The following NXPE2 variants were observed in gnomAD, a reference collection of about 807,000 sequenced individuals.
NXPE2 encodes neurexophilin and PC-esterase domain family member 2.
Under a neutral mutation model 34.4 loss-of-function variants are expected in NXPE2, and 34 were observed. The observed-to-expected ratio is 0.99, with a 90% CI of 0.75 to 1.31. NXPE2 has a LOEUF of 1.31. Among genes scored for constraint, NXPE2 ranks in the 40% most tolerant of loss-of-function variants. NXPE2 has a pLI of 0.00. For synonymous variants in NXPE2, 235 were observed against 231.3 expected (o/e 1.02, Z -0.15); for missense variants, 649 against 672.5 (o/e 0.97, Z 0.39).
the NXPE2 span, among the ~76,000 whole-genome samples, chr11:114,718,874 C>T: frequency 6.6e-6 from 1 of 152,268 alleles, no homozygotes; most frequent in East Asian, 1.9e-4. Context: ...TATGGTGAAA[C>T]TGAACCCCCA....
the NXPE2 span, among the ~76,000 whole-genome samples, chr11:114,500,255 A>T: frequency 1.3e-5 from 2 of 152,142 alleles, no homozygotes; most frequent in African/African-American, 4.8e-5. Context: ...CAGTTATTCC[A>T]CATCAGTATT....
the NXPE2 span, among the ~76,000 whole-genome samples, chr11:114,652,873 G>C: frequency 6.6e-6 from 1 of 152,190 alleles, no homozygotes; most frequent in Non-Finnish European, 1.5e-5. Context: ...GGTACTGCAA[G>C]CCCAGTGGTG....
the NXPE2 span, among the ~76,000 whole-genome samples, chr11:114,633,356 T>C: frequency 7.0e-5 from 10 of 142,680 alleles, no homozygotes; most frequent in Admixed American, 4.3e-4. Flanking sequence ...GATTATATTA[T>C]ATATACTATA....
chr11:114,523,237 A>G, the NXPE2 span: 1 of 625,570 alleles, frequency 1.6e-6, no homozygotes. Context: ...CTATTCTTTG[A>G]TCATTAGCTT....
At chr11:114,530,187 C>G in the NXPE2 span, 1 of 1,604,842 alleles carries the variant, frequency 6.2e-7, no homozygotes, top group Non-Finnish European at 8.5e-7. Flanking sequence ...GTGGAAAAGG[C>G]TGTTTTCCTT....
upstream of NXPE2, among the ~76,000 whole-genome samples, chr11:114,677,942 C>G (rs1950876867): frequency 6.6e-6 from 1 of 152,036 alleles, no homozygotes; most frequent in Non-Finnish European, 1.5e-5. Context: ...AGAATTTGCT[C>G]TTTTGGATTC....
At chr11:114,580,226 G>A in the NXPE2 span, 267 of 1,613,684 alleles carry the variant, frequency 1.7e-4, no homozygotes, top group Non-Finnish European at 2.1e-4. Context: ...CCTTCATTTT[G>A]ACTGTAGCCA....
At chr11:114,790,333 T>C in the NXPE2 span, among the ~76,000 whole-genome samples, 1 of 152,180 alleles carries the variant, frequency 6.6e-6, no homozygotes, top group Non-Finnish European at 1.5e-5. Context: ...TGTCCTTCTG[T>C]AAGAAGCCAA....
At chr11:114,530,414 T>C in the NXPE2 span, 2 of 1,614,232 alleles carry the variant, frequency 1.2e-6, no homozygotes, top group Non-Finnish European at 1.7e-6. Context: ...TATCATAGCC[T>C]TGGTTCCTTG....
At chr11:114,519,773 T>C in the NXPE2 span, among the ~76,000 whole-genome samples, 1 of 152,196 alleles carries the variant, frequency 6.6e-6, no homozygotes, top group African/African-American at 2.4e-5. Context: ...TATGTATCTT[T>C]TATTTTTTAT....
the NXPE2 span, among the ~76,000 whole-genome samples, chr11:114,562,660 T>C: frequency 6.6e-6 from 1 of 152,192 alleles, no homozygotes; most frequent in Non-Finnish European, 1.5e-5. Context: ...TCAAGTTGAC[T>C]TTACAGAAGT....
At chr11:114,636,411 C>T in the NXPE2 span, among the ~76,000 whole-genome samples, 1 of 151,970 alleles carries the variant, frequency 6.6e-6, no homozygotes, top group Non-Finnish European at 1.5e-5. Flanking sequence ...TTCAAAAAAC[C>T]AGCTCCTGGA....
the NXPE2 span, among the ~76,000 whole-genome samples, chr11:114,632,607 A>G: frequency 9.7e-6 from 1 of 103,532 alleles, no homozygotes; most frequent in African/African-American, 3.9e-5. Context: ...GTATATATTT[A>G]TATTTTATAT....
chr11:114,641,373 T>C, the NXPE2 span, among the ~76,000 whole-genome samples: 2 of 152,172 alleles, frequency 1.3e-5, no homozygotes, highest in East Asian at 1.9e-4. Flanking sequence ...ATAGACTACA[T>C]ACTGAGTCAC....
chr11:114,655,176 G>GT, the NXPE2 span, among the ~76,000 whole-genome samples: 1 of 152,022 alleles, frequency 6.6e-6, no homozygotes, highest in African/African-American at 2.4e-5. Flanking sequence ...AGGATTGTTT[G>GT]TTTTTTCTTG....
the NXPE2 span, among the ~76,000 whole-genome samples, chr11:114,811,038 A>G: frequency 2.0e-5 from 3 of 151,996 alleles, no homozygotes; most frequent in East Asian, 5.8e-4. Context: ...CTTTGTAGGG[A>G]CATGGATGAA....
chr11:114,758,430 GA>G, the NXPE2 span, among the ~76,000 whole-genome samples: 1 of 152,004 alleles, frequency 6.6e-6, no homozygotes, highest in African/African-American at 2.4e-5. Flanking sequence ...CATTTTTCTC[GA>G]GCAAAAAGCA....
At chr11:114,505,838 C>T in the NXPE2 span, among the ~76,000 whole-genome samples, 6 of 152,118 alleles carry the variant, frequency 3.9e-5, no homozygotes, top group African/African-American at 1.4e-4. Flanking sequence ...AACCAGCCAA[C>T]ATCATGATGA....
chr11:114,628,523 G>C, the NXPE2 span, among the ~76,000 whole-genome samples: 1 of 151,770 alleles, frequency 6.6e-6, no homozygotes, highest in East Asian at 1.9e-4. Flanking sequence ...TCAAAGCAGT[G>C]TGTAGAGGGA....
Sources: allele counts gnomAD v4.1 joint callset (sites outside exome capture counted in the v4.1 genomes callset), GRCh38; gene constraint gnomAD v4.1.1; transcripts MANE v1.5; gene names NCBI Gene and HGNC (gene_info 2026-07-23, HGNC 2026-07-21).